The following PLXNA2 variants were observed in gnomAD, a reference collection of about 807,000 sequenced individuals.
The protein encoded by PLXNA2 is plexin-A2.
PLXNA2 carries 91 observed loss-of-function variants against 193.5 expected under a neutral mutation model. The ratio of observed to expected loss-of-function variants is 0.47; its 90% CI spans 0.40 to 0.56. The LOEUF is 0.56. Among genes scored for constraint, PLXNA2 ranks in the 20% least tolerant of loss-of-function variants. The pLI is 0.00. For synonymous variants in PLXNA2, 997 were observed against 1,027.3 expected, an observed-to-expected ratio of 0.97 and a Z score of 0.56; for missense variants, 1,995 against 2,503.2, an observed-to-expected ratio of 0.80 and a Z score of 4.33.
rs17012194 is a variant in PLXNA2, at chr1:208,220,247, T to G, written c.-80-2245A>C. 9.3e-3 allele frequency among the ~76,000 whole-genome samples: 1,423 copies of G among 152,228 alleles called. 30 individuals carry two copies. The highest frequency in any genetic ancestry group is 0.032 in the African/African-American group (1,345 of 41,528). On this transcript the variant is annotated intron_variant, in intron 1 of 31. Transcript: ENST00000367033. ...AATAGTGAGTGGCTTTTGTTGTTGT[T>G]AGACAGAATCTGGGAACAAATTTGG... is the stretch of plus-strand genomic sequence containing the variant.
chr1:208,089,135 T>C (rs4844639), intron 9 of PLXNA2, among the ~76,000 whole-genome samples: 36,421 of 152,196 alleles, frequency 0.24, 4,709 homozygotes, highest in Admixed American at 0.33. Context: ...TTGGTCCATC[T>C]GCCTTCTGGA....
intron 12 of PLXNA2, among the ~76,000 whole-genome samples, chr1:208,077,603 A>G (rs1666202877): frequency 1.3e-5 from 2 of 152,208 alleles, no homozygotes; most frequent in Admixed American, 6.5e-5. Flanking sequence ...CAAGAATTAC[A>G]GAACAGTGCA....
At position 208,071,142 on chromosome 1, in the gene PLXNA2, T is replaced by C. The variant is rs528397035; in HGVS notation, c.2586+8118A>G. Reference sequence around the variant, plus strand: ...CCCCAACACTGGATTTGTAAAAGGATACAGGAGAAACTAATGTCAGAGCCT... The same window carrying C: ...CCCCAACACTGGATTTGTAAAAGGACACAGGAGAAACTAATGTCAGAGCCT... On this transcript the variant is annotated intron_variant, in intron 12 of 31. Transcript: ENST00000367033. Among the ~76,000 whole-genome samples, 11 of 152,266 alleles carry C rather than the reference T, an allele frequency of 7.2e-5. No individual in the cohort carries two copies. The East Asian group carries it at 2.1e-3, about 29-fold the overall frequency.
At chr1:208,040,191 G>C in intron 22 of PLXNA2, 133 bp from the exon 23 acceptor site, 2 of 698,992 alleles carry the variant, frequency 2.9e-6, no homozygotes, top group South Asian at 3.5e-5. Context: ...AGGACACCTG[G>C]GTCCCAGCCC....
At chr1:208,111,525 G>C (rs1667475409) in intron 4 of PLXNA2, among the ~76,000 whole-genome samples, 1 of 152,180 alleles carries the variant, frequency 6.6e-6, no homozygotes, top group Non-Finnish European at 1.5e-5. Flanking sequence ...TCCCGGTCTT[G>C]CCAGTGATCA....
intron 3 of PLXNA2, among the ~76,000 whole-genome samples, chr1:208,194,064 T>C (rs1670273625): frequency 6.6e-6 from 1 of 151,916 alleles, no homozygotes; most frequent in Non-Finnish European, 1.5e-5. Flanking sequence ...AATCCAGCAA[T>C]GGTTTGTAAT....
chr1:208,043,446 T>C (rs1664945559), intron 20 of PLXNA2, among the ~76,000 whole-genome samples: 1 of 152,074 alleles, frequency 6.6e-6, no homozygotes, highest in Admixed American at 6.6e-5. Flanking sequence ...CTTTACATAT[T>C]ACAAGTGTAG....
intron 4 of PLXNA2, among the ~76,000 whole-genome samples, chr1:208,107,532 T>C (rs1667308695): frequency 1.3e-5 from 2 of 152,072 alleles, no homozygotes; most frequent in South Asian, 4.2e-4. Context: ...CACTTCACTT[T>C]GTACCCCAGG....
At chr1:208,124,944 G>A (rs992636135) in intron 4 of PLXNA2, among the ~76,000 whole-genome samples, 4 of 152,048 alleles carry the variant, frequency 2.6e-5, no homozygotes, top group African/African-American at 9.7e-5. Flanking sequence ...CTCAGAGAAT[G>A]GGGTATAGCC....
Position 208,142,419 on chromosome 1 carries a change from C to T in PLXNA2, c.1416G>A (p.Met472Ile). ...GGCTTCCGTCCTTGAGCACAGAGAC[C>T]ATCTCGTACTGGACCCCACCATGGG... is the stretch of plus-strand genomic sequence containing the variant. The part of the protein sequence containing the change: ...GPPHGGVQYE[M>I]VSVLKDGSPI... The change falls in exon 4 of 32, where the codon ATG becomes ATA. Residue 472 changes from methionine (M) to isoleucine (I), a missense_variant. Physicochemically the swap from Met to Ile is conservative, Grantham distance 10. This residue lies in a region of PLXNA2 where 702 missense variants were observed against 812.9 expected (regional missense o/e 0.86). Coordinates refer to ENST00000367033, the MANE Select transcript of PLXNA2 (RefSeq NM_025179.4). The T allele has an allele frequency of 6.2e-7, 1 of 1,613,710 alleles. No individual in the cohort carries two copies. Among genetic ancestry groups the T allele is most frequent in the Non-Finnish European group, 8.5e-7 (1 of 1,179,862 alleles).
Position 208,026,495 on chromosome 1 carries a change from C to A in PLXNA2, c.*748G>T, listed in dbSNP as rs1664344498. 6.6e-6 allele frequency: 1 copy of A among 152,220 alleles called. No individual in the cohort carries two copies. Among genetic ancestry groups the A allele is most frequent in the South Asian group, 2.1e-4 (1 of 4,834 alleles). The allele number at this position is 152,220 out of a possible 1,614,324, so 9.4% of individuals were successfully genotyped here. ...TGGTAGATAAAGCTCAGTTTCCAGT[C>A]AGCCAGGGTGAGCTCTTGATGGCTT... On this transcript the variant is annotated 3_prime_UTR_variant, in exon 32 of 32. Transcript: ENST00000367033.
In PLXNA2 at chr1:208,038,468, C is replaced by G; in HGVS notation, c.4667G>C (p.Arg1556Pro). Residue 1556 changes from arginine (R) to proline (P), a missense_variant, in exon 26 of 32, where the codon CGC (arginine) becomes CCC (proline). By Grantham distance (103) the Arg-to-Pro change is moderately radical. Around this residue, in one of 3 missense-constraint regions of PLXNA2, gnomAD observed 1,291 missense variants for 1,673.6 expected, o/e 0.77. Coordinates refer to ENST00000367033, the MANE Select transcript of PLXNA2 (RefSeq NM_025179.4). The surrounding 1 kb of genome is among the most constrained non-coding windows in gnomAD (Gnocchi z 4.1). ...PRAVDMDLEWRQGRIARVVLQ... is the reference protein window; with the variant it reads ...PRAVDMDLEWPQGRIARVVLQ... ...CACGACCCGGGCGATCCGGCCTTGG[C>G]GCCACTCTGGGTGGAGGGGGTGGTG... is the stretch of plus-strand genomic sequence containing the variant. 6.2e-7 allele frequency: 1 copy of G among 1,613,710 alleles called. No homozygotes were observed. The highest frequency in any genetic ancestry group is 8.5e-7 in the Non-Finnish European group (1 of 1,179,696).
At chr1:208,034,249 C>T (rs571762411) in intron 27 of PLXNA2, among the ~76,000 whole-genome samples, 3 of 152,362 alleles carry the variant, frequency 2.0e-5, no homozygotes, top group South Asian at 2.1e-4. Context: ...TGGGCCACTC[C>T]GACTCCTCTA....
chr1:208,187,332 G>A (rs978594336), intron 3 of PLXNA2, among the ~76,000 whole-genome samples: 18 of 152,156 alleles, frequency 1.2e-4, no homozygotes, highest in African/African-American at 4.3e-4. Context: ...GCAGGGTTAT[G>A]TCATGGACCA....
intron 12 of PLXNA2, among the ~76,000 whole-genome samples, chr1:208,074,357 A>G (rs947543323): frequency 6.6e-6 from 1 of 152,204 alleles, no homozygotes; most frequent in Non-Finnish European, 1.5e-5. Context: ...AACAGGTGAC[A>G]CGTGCACAGA....
At chr1:208,157,248 A>C (rs971238196) in intron 3 of PLXNA2, among the ~76,000 whole-genome samples, 21 of 152,026 alleles carry the variant, frequency 1.4e-4, no homozygotes, top group Non-Finnish European at 3.1e-4. Flanking sequence ...GCCTATGTTG[A>C]CCTTCTTGGT....
intron 6 of PLXNA2, among the ~76,000 whole-genome samples, chr1:208,098,212 GGATGAATGAACT>G (rs1415736267): frequency 4.6e-5 from 7 of 152,086 alleles, no homozygotes; most frequent in African/African-American, 1.7e-4. Flanking sequence ...CTCCTGGTGG[GGATGAATGAACT>G]GAAATCTTGG....
At chr1:208,033,986 T>G (rs913313117) in intron 27 of PLXNA2, among the ~76,000 whole-genome samples, 1 of 152,158 alleles carries the variant, frequency 6.6e-6, no homozygotes, top group African/African-American at 2.4e-5. Context: ...GCCCTTTGGT[T>G]GAGAAGCCCA....
intron 13 of PLXNA2, among the ~76,000 whole-genome samples, chr1:208,055,653 G>C (rs944415202): frequency 6.6e-6 from 1 of 152,126 alleles, no homozygotes; most frequent in Non-Finnish European, 1.5e-5. Context: ...GCATTATCCT[G>C]GCACGGTGGG....
Sources: gnomAD v4.1 joint callset for allele counts (sites outside exome capture counted in the v4.1 genomes callset) on GRCh38, gnomAD v4.1.1 for gene constraint, gnomAD v4.1.1 regional missense constraint, Gnocchi (gnomAD v3.1) non-coding constraint, MANE v1.5 for transcripts, NCBI Gene and HGNC (gene_info 2026-07-23, HGNC 2026-07-21) for gene names.